Variants in TTC33 observed in about 807,000 individuals in gnomAD.
TTC33 encodes the protein tetratricopeptide repeat domain 33, also known as tetratricopeptide repeat protein 33.
Under a neutral mutation model 29.4 loss-of-function variants are expected in TTC33, and 24 were observed. The observed-to-expected ratio is 0.82, with a 90% CI of 0.59 to 1.15. The LOEUF (loss-of-function observed/expected upper bound fraction) is 1.15. Ranked by LOEUF, TTC33 falls within the 50% of genes most tolerant of loss-of-function variation. TTC33 has a pLI of 0.00. For missense variants in TTC33, 286 were observed against 310.4 expected, an observed-to-expected ratio of 0.92 and a Z score of 0.59; for synonymous variants, 107 against 100.3, an observed-to-expected ratio of 1.07 and a Z score of -0.40.
At position 40,716,468 on chromosome 5, in the gene TTC33, T is replaced by C. The variant is rs1235361802; in HGVS notation, c.466A>G (p.Ile156Val). Residue 156 changes from isoleucine to valine, a missense_variant, in exon 5 of 5, where the codon ATC becomes GTC. Physicochemically the swap from Ile to Val is conservative, Grantham distance 29 (BLOSUM62 3). Transcript: ENST00000337702. The stretch of plus-strand genomic sequence containing the variant: ...CATATTTCAGGGTTCATTGGATAGA[T>C]GTGAAGGGCTACTTGAAAACTTCGA... ...AIRSFQVALH[I>V]YPMNPEIWKE... 3 of 1,598,948 alleles carry C rather than the reference T, an allele frequency of 1.9e-6. No homozygotes were observed. The highest frequency in any genetic ancestry group is 1.1e-5 in the South Asian group (1 of 88,002).
intron 4 of TTC33, among the ~76,000 whole-genome samples, chr5:40,723,371 A>G (rs913787734): frequency 2.6e-5 from 4 of 152,092 alleles, no homozygotes; most frequent in Non-Finnish European, 5.9e-5. Flanking sequence ...CCTTCCCTCC[A>G]CTATTGTCCT....
chr5:40,743,870 T>C (rs7719692), intron 2 of TTC33, among the ~76,000 whole-genome samples: 52,163 of 152,190 alleles, frequency 0.34, 10,050 homozygotes, highest in Admixed American at 0.45. Context: ...TGTTATAGTG[T>C]TCTCCATCCA....
chr5:40,747,125 C>A, intron 1 of TTC33, 106 bp from the exon 2 acceptor site: 1 of 975,850 alleles, frequency 1.0e-6, no homozygotes, highest in Non-Finnish European at 1.5e-6. Context: ...ATGGCACGAC[C>A]TCGGCTCACC....
intron 2 of TTC33, among the ~76,000 whole-genome samples, chr5:40,738,633 CAA>C (rs1238742371): frequency 6.7e-6 from 1 of 149,226 alleles, no homozygotes; most frequent in Non-Finnish European, 1.5e-5. Context: ...GACAGTTTGC[CAA>C]AGAGGTAAAG....
At chr5:40,717,889 C>T (rs1742035857) in intron 4 of TTC33, among the ~76,000 whole-genome samples, 1 of 151,776 alleles carries the variant, frequency 6.6e-6, no homozygotes, top group Admixed American at 6.6e-5. Flanking sequence ...GGTGAAAACC[C>T]GTCTCTACTA....
chr5:40,718,292 G>A (rs895635235), intron 4 of TTC33, among the ~76,000 whole-genome samples: 4 of 152,218 alleles, frequency 2.6e-5, no homozygotes, highest in African/African-American at 7.2e-5. Flanking sequence ...TGTAATCCCA[G>A]CTACTTAGGA....
At chr5:40,737,058 G>A (rs751386466) in intron 2 of TTC33, among the ~76,000 whole-genome samples, 11 of 152,176 alleles carry the variant, frequency 7.2e-5, no homozygotes, top group Non-Finnish European at 1.2e-4. Flanking sequence ...CACTTTGGGA[G>A]GCCAAGGCAG....
chr5:40,719,421 G>T (rs1742078849), intron 4 of TTC33, among the ~76,000 whole-genome samples: 1 of 152,116 alleles, frequency 6.6e-6, no homozygotes, highest in South Asian at 2.1e-4. Context: ...TCATTGTATG[G>T]ATATACCACA....
At chr5:40,750,640 T>C (rs939346412) in intron 1 of TTC33, among the ~76,000 whole-genome samples, 40 of 152,184 alleles carry the variant, frequency 2.6e-4, no homozygotes, top group African/African-American at 9.6e-4. Context: ...TTCTGTAGCA[T>C]GCAGTCCTAT....
intron 4 of TTC33, among the ~76,000 whole-genome samples, chr5:40,723,642 A>C (rs1262319248): frequency 6.6e-6 from 1 of 152,206 alleles, no homozygotes; most frequent in African/African-American, 2.4e-5. Flanking sequence ...TGGTGGGCGG[A>C]TCACCTGAGA....
intron 2 of TTC33, among the ~76,000 whole-genome samples, chr5:40,742,110 T>A (rs1030480182): frequency 9.9e-5 from 15 of 152,142 alleles, no homozygotes; most frequent in Admixed American, 1.3e-4. Context: ...GTTTTTTTTT[T>A]ATATCTTTTG....
intron 1 of TTC33, among the ~76,000 whole-genome samples, chr5:40,753,726 G>A (rs958881321): frequency 1.3e-5 from 2 of 152,196 alleles, no homozygotes; most frequent in African/African-American, 4.8e-5. Flanking sequence ...AAGAAGTCTT[G>A]TATTTATGAT....
intron 4 of TTC33, among the ~76,000 whole-genome samples, chr5:40,726,099 C>T (rs953616891): frequency 2.0e-5 from 3 of 151,106 alleles, no homozygotes; most frequent in African/African-American, 4.9e-5. Flanking sequence ...CTTTCTTATT[C>T]TCTCATCCTT....
intron 4 of TTC33, among the ~76,000 whole-genome samples, chr5:40,721,465 C>T (rs910039650): frequency 6.6e-6 from 1 of 152,130 alleles, no homozygotes; most frequent in African/African-American, 2.4e-5. Flanking sequence ...CCAACATGGT[C>T]AGCTGATCTT....
At chr5:40,722,376 GA>G (rs1742157524) in intron 4 of TTC33, among the ~76,000 whole-genome samples, 1 of 151,956 alleles carries the variant, frequency 6.6e-6, no homozygotes, top group Non-Finnish European at 1.5e-5. Context: ...CATCGTCTGG[GA>G]TGTGAGGAGC....
At chr5:40,734,726 G>C (rs761415186) in intron 2 of TTC33, among the ~76,000 whole-genome samples, 6 of 152,090 alleles carry the variant, frequency 3.9e-5, no homozygotes, top group Admixed American at 3.9e-4. Context: ...ACCTACCCTG[G>C]GACAGGTAGA....
In TTC33 at chr5:40,714,211, AC is replaced by A. The variant is rs1351832883; in HGVS notation, c.*1933del. 6.6e-6 allele frequency among the ~76,000 whole-genome samples: 1 copy of A among 152,296 alleles called. No individual in the cohort carries two copies. Among genetic ancestry groups the A allele is most frequent in the South Asian group, 2.1e-4 (1 of 4,832 alleles). On this transcript the variant is annotated 3_prime_UTR_variant, in exon 5 of 5. Coordinates refer to ENST00000337702, the MANE Select transcript of TTC33 (RefSeq NM_012382.3). ...CTCTCCTATAATACTGGAATCAGAG[AC>A]TTCTTACTTTCAGATAAGGAAAGGA...
Position 40,713,334 on chromosome 5 carries a change from T to C in TTC33, c.*2811A>G, listed in dbSNP as rs534152572. On this transcript the variant is annotated 3_prime_UTR_variant, in exon 5 of 5. Transcript: ENST00000337702. The stretch of plus-strand genomic sequence containing the variant: ...AGTGAAACAAGCTTTTGAATCATTA[T>C]GTAATTTTCAAACAACTAAAAGGGC... Among the ~76,000 whole-genome samples, 2 of 152,306 alleles carry C rather than the reference T, an allele frequency of 1.3e-5. No individual in the cohort carries two copies. Among genetic ancestry groups the C allele is most frequent in the East Asian group, 3.9e-4 (2 of 5,184 alleles).
At position 40,738,567 on chromosome 5, in the gene TTC33, T is replaced by TAAAAA. The variant is rs1286758071; in HGVS notation, c.222-8225_222-8224insTTTTT. ...TAAAATAAAATAAAATAAAATAAAATATAAAATAAAATAAAATAAAATAAA... is the reference window on the plus strand; with the variant it reads ...TAAAATAAAATAAAATAAAATAAAATAAAAAATAAAATAAAATAAAATAAAATAAA... On this transcript the variant is annotated intron_variant, in intron 2 of 4. Transcript: ENST00000337702. Among the ~76,000 whole-genome samples, 50 of 67,542 alleles carry TAAAAA rather than the reference T, an allele frequency of 7.4e-4. 1 individual carries two copies. The highest frequency in any genetic ancestry group is 2.3e-3 in the African/African-American group (45 of 19,490). 44.3% of individuals were successfully genotyped at this position (67,542 alleles called of 152,430 possible). A position where few individuals can be genotyped will look rare whatever the true frequency, so the allele number is the denominator to read the frequency against.
Sources: gnomAD v4.1 joint callset for allele counts (sites outside exome capture counted in the v4.1 genomes callset) on GRCh38, gnomAD v4.1.1 for gene constraint, MANE v1.5 for transcripts, NCBI Gene and HGNC (gene_info 2026-07-23, HGNC 2026-07-21) for gene names.